Variants in CTNNA2 observed in about 807,000 individuals in gnomAD.
The protein encoded by CTNNA2 is catenin alpha 2, also known as catenin alpha-2.
In CTNNA2, 42 loss-of-function variants were observed where a neutral mutation model predicts 101.0. That is an observed-to-expected ratio of 0.42 (90% CI 0.32 to 0.54). The LOEUF is 0.54. CTNNA2 is among the 20% of genes least tolerant of loss of function. CTNNA2 has a pLI of 0.14. For missense variants in CTNNA2, 871 were observed against 1,223.1 expected (o/e 0.71, Z 4.29); for synonymous variants, 450 against 456.4 (o/e 0.99, Z 0.18).
intron 2 of CTNNA2, among the ~76,000 whole-genome samples, chr2:79,256,227 A>C (rs1674842192): frequency 6.6e-6 from 1 of 152,162 alleles, no homozygotes; most frequent in South Asian, 2.1e-4. Flanking sequence ...ATGCTGGGGA[A>C]GAAACACACA....
At chr2:79,525,325 A>T (rs1672343426) in intron 1 of CTNNA2, among the ~76,000 whole-genome samples, 1 of 151,966 alleles carries the variant, frequency 6.6e-6, no homozygotes, top group African/African-American at 2.4e-5. Flanking sequence ...ATGATTTTTC[A>T]AATCACGAAA....
intron 3 of CTNNA2, among the ~76,000 whole-genome samples, chr2:79,792,018 T>C (rs766118951): frequency 3.3e-5 from 5 of 152,226 alleles, no homozygotes; most frequent in South Asian, 2.1e-4. Flanking sequence ...TAATATGACA[T>C]TTTTATACAA....
intron 7 of CTNNA2, among the ~76,000 whole-genome samples, chr2:79,913,006 G>A (rs928102426): frequency 3.3e-5 from 5 of 152,156 alleles, no homozygotes; most frequent in Non-Finnish European, 7.3e-5. Context: ...CTGGCCATTT[G>A]TGCCAGGCAT....
At chr2:79,647,282 A>T (rs6745586) in intron 1 of CTNNA2, among the ~76,000 whole-genome samples, 17,535 of 152,208 alleles carry the variant, frequency 0.12, 1,483 homozygotes, top group East Asian at 0.42. Context: ...TCAGAGATAA[A>T]GAATTGCCAA....
intron 9 of CTNNA2, among the ~76,000 whole-genome samples, chr2:80,454,457 C>CATCCCCAAAG (rs1683790083): frequency 6.6e-6 from 1 of 152,168 alleles, no homozygotes; most frequent in South Asian, 2.1e-4. Flanking sequence ...AACTGTAGTC[C>CATCCCCAAAG]ATCCCCAAAG....
At chr2:79,939,859 G>A (rs1313581961) in intron 7 of CTNNA2, among the ~76,000 whole-genome samples, 6 of 152,036 alleles carry the variant, frequency 3.9e-5, no homozygotes, top group African/African-American at 1.4e-4. Flanking sequence ...TTGGGAGGCC[G>A]AGGTGGGCAG....
Position 80,070,664 on chromosome 2 carries a change from C to A in CTNNA2, c.1056+160867C>A, listed in dbSNP as rs532712750. On this transcript the variant is annotated intron_variant, in intron 7 of 18. Coordinates refer to ENST00000402739, the MANE Select transcript of CTNNA2 (RefSeq NM_001282597.3). ...CCTGGGAGGTCGAGGCTGCAGTGAGCCATGATCACACCACTGCACTGCAGC... is the reference window on the plus strand; with the variant it reads ...CCTGGGAGGTCGAGGCTGCAGTGAGACATGATCACACCACTGCACTGCAGC... Among the ~76,000 whole-genome samples, 25 of 151,758 alleles carry A rather than the reference C, an allele frequency of 1.6e-4. 1 individual carries two copies. The highest frequency in any genetic ancestry group is 1.6e-3 in the Admixed American group (25 of 15,250).
chr2:80,017,130 GC>G (rs967568218), intron 7 of CTNNA2, among the ~76,000 whole-genome samples: 4 of 152,068 alleles, frequency 2.6e-5, no homozygotes, highest in Non-Finnish European at 5.9e-5. Context: ...TCTTCTTCCA[GC>G]CCCCAAAATG....
chr2:79,902,651 G>T (rs139855304), intron 6 of CTNNA2, among the ~76,000 whole-genome samples: 1,945 of 149,956 alleles, frequency 0.013, 49 homozygotes, highest in African/African-American at 0.045. Flanking sequence ...TTTTGAGATG[G>T]AGTCTGGCTC....
chr2:80,535,600 A>G (rs1486495902), intron 9 of CTNNA2, among the ~76,000 whole-genome samples: 1 of 152,166 alleles, frequency 6.6e-6, no homozygotes, highest in Non-Finnish European at 1.5e-5. Context: ...ACCAATTATG[A>G]TTTTTAAAAT....
intron 1 of CTNNA2, among the ~76,000 whole-genome samples, chr2:79,518,094 T>C (rs540553606): frequency 1.6e-4 from 24 of 152,368 alleles, no homozygotes; most frequent in African/African-American, 5.8e-4. Context: ...ATCTATGTTT[T>C]AGTTGCTTTA....
intron 7 of CTNNA2, among the ~76,000 whole-genome samples, chr2:80,172,979 C>T (rs564412773): frequency 4.6e-5 from 7 of 152,226 alleles, no homozygotes; most frequent in African/African-American, 1.7e-4. Context: ...TTCTGAAGTC[C>T]TGGGGGGTGA....
intron 9 of CTNNA2, among the ~76,000 whole-genome samples, chr2:80,424,061 T>G (rs1042535926): frequency 6.6e-6 from 1 of 152,050 alleles, no homozygotes; most frequent in African/African-American, 2.4e-5. Flanking sequence ...GTTCCAGCAA[T>G]TCTCCTGCCT....
intron 7 of CTNNA2, among the ~76,000 whole-genome samples, chr2:80,098,302 C>T (rs7609277): frequency 0.066 from 10,021 of 152,216 alleles, 300 homozygotes; most frequent in South Asian, 0.077. Context: ...GTATCAGCAG[C>T]GGTGGCTGCA....
chr2:79,973,885 A>C (rs1690657755), intron 7 of CTNNA2, among the ~76,000 whole-genome samples: 1 of 152,188 alleles, frequency 6.6e-6, no homozygotes, highest in African/African-American at 2.4e-5. Context: ...TCAAACAGAA[A>C]CCAAAACAAA....
intron 7 of CTNNA2, among the ~76,000 whole-genome samples, chr2:80,245,054 C>T (rs1573497946): frequency 6.6e-6 from 1 of 152,312 alleles, no homozygotes; most frequent in Non-Finnish European, 1.5e-5. Flanking sequence ...TTCCACGCTG[C>T]TGAACCTTGC....
At chr2:79,912,402 A>C (rs1203595586) in intron 7 of CTNNA2, among the ~76,000 whole-genome samples, 2 of 152,226 alleles carry the variant, frequency 1.3e-5, no homozygotes, top group East Asian at 3.9e-4. Context: ...CATTGAGCTC[A>C]ATAGGATAGC....
intron 9 of CTNNA2, among the ~76,000 whole-genome samples, chr2:80,435,714 A>T (rs1681964178): frequency 6.6e-6 from 1 of 152,232 alleles, no homozygotes; most frequent in Non-Finnish European, 1.5e-5. Flanking sequence ...CAGTTATTAA[A>T]TGCAACCACA....
chr2:79,338,312 G>C (rs1411903418), intron 3 of CTNNA2, among the ~76,000 whole-genome samples: 1 of 151,658 alleles, frequency 6.6e-6, no homozygotes, highest in Non-Finnish European at 1.5e-5. Flanking sequence ...GTGTGTGCTT[G>C]TGTGTAAAGG....
Sources: gnomAD v4.1 joint callset for allele counts (sites outside exome capture counted in the v4.1 genomes callset) on GRCh38, gnomAD v4.1.1 for gene constraint, MANE v1.5 for transcripts, NCBI Gene and HGNC (gene_info 2026-07-23, HGNC 2026-07-21) for gene names.